The following KIAA0319 variants were observed in gnomAD, a reference collection of about 807,000 sequenced individuals.
KIAA0319 encodes the protein KIAA0319, also known as dyslexia-associated protein KIAA0319.
KIAA0319 carries 83 observed loss-of-function variants against 108.4 expected under a neutral mutation model. That is an observed-to-expected ratio of 0.77 (90% CI 0.64 to 0.92). The LOEUF is 0.92. Among genes scored for constraint, KIAA0319 ranks in the 40% least tolerant of loss-of-function variants. The pLI, the probability that KIAA0319 is intolerant of heterozygous loss-of-function variation, is 0.00. For missense variants in KIAA0319, 1,195 were observed against 1,322.4 expected (o/e 0.90, Z 1.49); for synonymous variants, 484 against 510.4 (o/e 0.95, Z 0.70).
At chr6:24,601,020 C>G (rs745450046) in intron 2 of KIAA0319, 29 bp downstream of exon 2, 1 of 1,613,554 alleles carries the variant, frequency 6.2e-7, no homozygotes, top group Admixed American at 1.7e-5. Context: ...AAGTCCAACA[C>G]GGGTATCTCC....
intron 20 of KIAA0319, among the ~76,000 whole-genome samples, chr6:24,547,987 C>T (rs1581855292): frequency 6.6e-6 from 1 of 151,976 alleles, no homozygotes; most frequent in East Asian, 1.9e-4. Flanking sequence ...GAACTATGAT[C>T]GTGTTGCTAT....
At chr6:24,623,516 C>T (rs996808342) in intron 1 of KIAA0319, among the ~76,000 whole-genome samples, 5 of 152,048 alleles carry the variant, frequency 3.3e-5, no homozygotes, top group African/African-American at 1.2e-4. Flanking sequence ...TTCTTAAGGA[C>T]ATACCCTAAA....
chr6:24,543,156 G>T (rs1760270568), downstream of KIAA0319, among the ~76,000 whole-genome samples: 2 of 152,176 alleles, frequency 1.3e-5, no homozygotes, highest in African/African-American at 4.8e-5. Context: ...TGCTAATGGA[G>T]TGAGTTAAAA....
chr6:24,598,309 GAGC>G, intron 2 of KIAA0319: 1 of 669,162 alleles, frequency 1.5e-6, no homozygotes. Flanking sequence ...CCAGGAGAAG[GAGC>G]AGATCAAGAC....
At chr6:24,641,340 G>A (rs1287608628) in intron 1 of KIAA0319, among the ~76,000 whole-genome samples, 3 of 152,214 alleles carry the variant, frequency 2.0e-5, no homozygotes, top group Admixed American at 6.5e-5. Flanking sequence ...ATAACCAGGG[G>A]AGTAATGTGT....
intron 2 of KIAA0319, 46 bp from the exon 3 acceptor site, chr6:24,596,664 G>T (rs372292069): frequency 6.5e-7 from 1 of 1,531,166 alleles, no homozygotes; most frequent in Non-Finnish European, 8.8e-7. Context: ...CATATCACAG[G>T]GAAGCACCTC....
At chr6:24,608,930 C>CAAAAAAA (rs57120652) in intron 1 of KIAA0319, among the ~76,000 whole-genome samples, 2 of 30,104 alleles carry the variant, frequency 6.6e-5, no homozygotes, top group Non-Finnish European at 9.5e-5. Flanking sequence ...GACTCCGTCT[C>CAAAAAAA]AAAAAAAAAA....
At chr6:24,605,337 C>T (rs959960175) in intron 1 of KIAA0319, among the ~76,000 whole-genome samples, 1 of 152,168 alleles carries the variant, frequency 6.6e-6, no homozygotes, top group African/African-American at 2.4e-5. Context: ...GGCACCCCCA[C>T]CCTCTTTGAT....
Position 24,564,084 on chromosome 6 carries a change from C to T in KIAA0319, c.2431+118G>A, listed in dbSNP as rs141306815. The T allele has an allele frequency of 8.3e-3, 10,830 of 1,297,810 alleles. 107 individuals carry two copies. Among genetic ancestry groups the T allele is most frequent in the South Asian group, 0.031 (2,272 of 72,866 alleles). 80.4% of individuals were successfully genotyped at this position (1,297,810 alleles called of 1,614,324 possible). ...AGAGACATCCTCAAAGTGGGTCCAG[C>T]CAAGAGCTGGAGCCAGCCACAGGAG... is the stretch of plus-strand genomic sequence containing the variant. On this transcript the variant is annotated intron_variant, in intron 15 of 20. Coordinates refer to ENST00000378214, the MANE Select transcript of KIAA0319 (RefSeq NM_014809.4).
chr6:24,620,180 T>A (rs1403572460), intron 1 of KIAA0319, among the ~76,000 whole-genome samples: 1 of 152,204 alleles, frequency 6.6e-6, no homozygotes, highest in Non-Finnish European at 1.5e-5. Flanking sequence ...TTTTTAAAAA[T>A]CATTTTTGTC....
rs541425238 is a variant in KIAA0319 at position 24,565,303 on chromosome 6, T to C, written c.2293-963A>G. On this transcript the variant is annotated intron_variant, in intron 14 of 20. Coordinates refer to ENST00000378214, the MANE Select transcript of KIAA0319 (RefSeq NM_014809.4). ...CAGTTCCTTCCCTGTGACCACTCCT[T>C]AGTACATCTCCAAGACTAAATCTGT... Among the ~76,000 whole-genome samples, 12 of 149,266 alleles carry C rather than the reference T, an allele frequency of 8.0e-5. No individual in the cohort carries two copies. The South Asian group carries it at 2.3e-3, about 28-fold the overall frequency.
Position 24,599,733 on chromosome 6 carries a change from A to G in KIAA0319, c.55+1316T>C. 2 of 560,690 alleles carry G rather than the reference A, an allele frequency of 3.6e-6. No homozygotes were observed. The highest frequency in any genetic ancestry group is 3.5e-5 in the South Asian group (2 of 57,888). 34.7% of individuals were successfully genotyped at this position (560,690 alleles called of 1,614,324 possible). A position where few individuals can be genotyped will look rare whatever the true frequency, so the allele number is the denominator to read the frequency against. On this transcript the variant is annotated intron_variant, in intron 2 of 20. Transcript: ENST00000378214. The surrounding 1 kb of genome is among the most constrained non-coding windows in gnomAD (Gnocchi z 4.1). ...CTTCAGGGCCATGGTTGTGAAGAAG[A>G]TCGAGATTTGTGATAGGAAACTGGT...
At position 24,599,518 on chromosome 6, in the gene KIAA0319, T is replaced by C; in HGVS notation, c.55+1531A>G. On this transcript the variant is annotated intron_variant, in intron 2 of 20. Coordinates refer to ENST00000378214, the MANE Select transcript of KIAA0319 (RefSeq NM_014809.4). This position sits in a 1 kb window ranked among gnomAD's most constrained non-coding sequence, Gnocchi z 4.1. ...AAGCCAACCCTGGACATCGAGATTG[T>C]CACCTACAGGAAGGTGCTGGAGGGC... The C allele has an allele frequency of 1.8e-6, 1 of 569,098 alleles. No homozygotes were observed. The highest frequency in any genetic ancestry group is 1.5e-5 in the South Asian group (1 of 66,330). The allele number at this position is 569,098 out of a possible 1,614,324, so 35.3% of individuals were successfully genotyped here.
intron 1 of KIAA0319, among the ~76,000 whole-genome samples, chr6:24,605,770 G>A (rs985558609): frequency 1.3e-5 from 2 of 151,650 alleles, no homozygotes; most frequent in Admixed American, 1.3e-4. Context: ...TTCCTTTTTT[G>A]CTTCTTTTCT....
chr6:24,621,574 A>T (rs1773931566), intron 1 of KIAA0319, among the ~76,000 whole-genome samples: 1 of 152,224 alleles, frequency 6.6e-6, no homozygotes, highest in Non-Finnish European at 1.5e-5. Flanking sequence ...TATGGCAGAT[A>T]GATGTATATC....
intron 13 of KIAA0319, among the ~76,000 whole-genome samples, chr6:24,567,558 G>T (rs183058118): frequency 9.9e-5 from 15 of 152,104 alleles, no homozygotes; most frequent in Non-Finnish European, 5.9e-5. Context: ...AAAATCAGCT[G>T]GGCATGGTAA....
chr6:24,634,880 G>A (rs1775998196), intron 1 of KIAA0319, among the ~76,000 whole-genome samples: 1 of 152,120 alleles, frequency 6.6e-6, no homozygotes, highest in Non-Finnish European at 1.5e-5. Flanking sequence ...TATTTAAAGG[G>A]GAAAACCTGG....
intron 11 of KIAA0319, 53 bp from the exon 12 acceptor site, chr6:24,570,088 C>A (rs1764479998): frequency 6.4e-7 from 1 of 1,555,088 alleles, no homozygotes; most frequent in South Asian, 1.1e-5. Flanking sequence ...ATTAAGTCTG[C>A]AATCCTGTGA....
intron 1 of KIAA0319, among the ~76,000 whole-genome samples, chr6:24,620,654 T>A (rs1773808916): frequency 6.6e-6 from 1 of 152,178 alleles, no homozygotes; most frequent in Admixed American, 6.5e-5. Flanking sequence ...TAAAGACAAC[T>A]GTATTAGTCT....
Sources: allele counts gnomAD v4.1 joint callset (sites outside exome capture counted in the v4.1 genomes callset), GRCh38; gene constraint gnomAD v4.1.1; non-coding constraint Gnocchi (gnomAD v3.1); transcripts MANE v1.5; gene names NCBI Gene and HGNC (gene_info 2026-07-23, HGNC 2026-07-21).